Variants in SULT4A1 observed in about 807,000 individuals in gnomAD.
The protein encoded by SULT4A1 is sulfotransferase 4A1.
In SULT4A1, 11 loss-of-function variants were observed where a neutral mutation model predicts 35.2. The ratio of observed to expected loss-of-function variants is 0.31; its 90% CI spans 0.20 to 0.52. SULT4A1 has a LOEUF of 0.52. SULT4A1 is among the 20% of genes least tolerant of loss of function. SULT4A1 has a pLI of 0.97. For synonymous variants in SULT4A1, 152 were observed against 151.8 expected (o/e 1.00, Z -0.01); for missense variants, 271 against 383.7 (o/e 0.71, Z 2.45).
intron 1 of SULT4A1, among the ~76,000 whole-genome samples, chr22:43,860,767 T>G (rs2049457533): frequency 6.6e-6 from 1 of 152,122 alleles, no homozygotes; most frequent in Non-Finnish European, 1.5e-5. Context: ...TGGCTGAGAC[T>G]TCCAGCATTT....
chr22:43,840,088 G>T, intron 2 of SULT4A1, 63 bp from the exon 3 acceptor site: 2 of 1,338,648 alleles, frequency 1.5e-6, no homozygotes, highest in Non-Finnish European at 2.1e-6. Flanking sequence ...GAGGAGTGGG[G>T]CCAAGGGGAA....
intron 5 of SULT4A1, among the ~76,000 whole-genome samples, chr22:43,832,304 C>T (rs1285030316): frequency 6.6e-6 from 1 of 152,130 alleles, no homozygotes; most frequent in Non-Finnish European, 1.5e-5. Flanking sequence ...GGCTCCATGG[C>T]GCGTGTGACC....
intron 1 of SULT4A1, among the ~76,000 whole-genome samples, chr22:43,847,528 T>C (rs1454174058): frequency 6.6e-6 from 1 of 152,042 alleles, no homozygotes; most frequent in South Asian, 2.1e-4. Flanking sequence ...GCTGTGGCCA[T>C]CTGCACCCAG....
At chr22:43,841,734 A>G (rs894533911) in intron 2 of SULT4A1, 68 bp downstream of exon 2, 4 of 1,564,316 alleles carry the variant, frequency 2.6e-6, no homozygotes, top group Non-Finnish European at 3.5e-6. Flanking sequence ...GCAACTGTCA[A>G]TCATCAGGGT....
At chr22:43,853,896 G>A (rs1170499539) in intron 1 of SULT4A1, among the ~76,000 whole-genome samples, 2 of 152,264 alleles carry the variant, frequency 1.3e-5, no homozygotes, top group African/African-American at 2.4e-5. Context: ...TCAAGGGGAA[G>A]AGGCTCCGCC....
At chr22:43,857,370 C>CAAAAAAAAAAAAA (rs60746917) in intron 1 of SULT4A1, among the ~76,000 whole-genome samples, 1 of 93,794 alleles carries the variant, frequency 1.1e-5, no homozygotes, top group Non-Finnish European at 2.1e-5. Context: ...GATCCTGTCT[C>CAAAAAAAAAAAAA]AAAAAAAAAA....
chr22:43,847,413 G>A (rs556876920), intron 1 of SULT4A1, among the ~76,000 whole-genome samples: 5 of 152,204 alleles, frequency 3.3e-5, no homozygotes, highest in Non-Finnish European at 7.3e-5. Flanking sequence ...TCTGCCAGAC[G>A]CCAAGCTGTG....
At chr22:43,828,976 C>A in intron 6 of SULT4A1, 84 bp downstream of exon 6, 1 of 1,405,590 alleles carries the variant, frequency 7.1e-7, no homozygotes, top group South Asian at 1.5e-5. Context: ...CAACAGGGAC[C>A]GGACTCGGCT....
At chr22:43,858,279 C>T (rs2049426326) in intron 1 of SULT4A1, among the ~76,000 whole-genome samples, 1 of 152,116 alleles carries the variant, frequency 6.6e-6, no homozygotes. Flanking sequence ...CAACCAGGGC[C>T]AACTACTCAG....
At chr22:43,831,226 A>G (rs1421493452) in intron 5 of SULT4A1, among the ~76,000 whole-genome samples, 1 of 150,966 alleles carries the variant, frequency 6.6e-6, no homozygotes, top group African/African-American at 2.4e-5. Context: ...GTGTGTTTGG[A>G]CCTTAAAACT....
intron 1 of SULT4A1, among the ~76,000 whole-genome samples, chr22:43,851,302 T>TA (rs2049339549): frequency 6.6e-6 from 1 of 152,164 alleles, no homozygotes; most frequent in Admixed American, 6.5e-5. Context: ...TGCAAAGACT[T>TA]ATGAGTGGAG....
At chr22:43,844,347 G>A (rs912864920) in intron 1 of SULT4A1, among the ~76,000 whole-genome samples, 8 of 152,268 alleles carry the variant, frequency 5.3e-5, no homozygotes, top group South Asian at 2.1e-4. Flanking sequence ...AGAGGCCTGC[G>A]GGGGAGCTCG....
intron 5 of SULT4A1, among the ~76,000 whole-genome samples, chr22:43,830,385 A>C (rs1359527758): frequency 6.6e-6 from 1 of 152,238 alleles, no homozygotes; most frequent in African/African-American, 2.4e-5. Context: ...CTGCGGCGTG[A>C]CGTCCATCTC....
intron 6 of SULT4A1, chr22:43,827,186 T>C (rs4149444): frequency 0.27 from 263,713 of 985,234 alleles, 36,655 homozygotes; most frequent in East Asian, 0.43. Flanking sequence ...TTCTTTCCAT[T>C]GTCAGCTCTC....
At chr22:43,833,607 C>T in intron 5 of SULT4A1, 33 bp downstream of exon 5, 1 of 1,558,332 alleles carries the variant, frequency 6.4e-7, no homozygotes, top group Non-Finnish European at 8.7e-7. Context: ...AGGGCCAGGG[C>T]ACCCGGAGGA....
At chr22:43,827,448 A>C in intron 6 of SULT4A1, 1 of 1,225,944 alleles carries the variant, frequency 8.2e-7, no homozygotes, top group South Asian at 1.5e-5. Flanking sequence ...AGAGCAACCA[A>C]ACTATTTTTC....
chr22:43,843,509 CG>C (rs1280054065), intron 1 of SULT4A1, among the ~76,000 whole-genome samples: 1 of 152,256 alleles, frequency 6.6e-6, no homozygotes, highest in Non-Finnish European at 1.5e-5. Context: ...GAAGGAATGT[CG>C]CACAGGCAGG....
intron 4 of SULT4A1, among the ~76,000 whole-genome samples, chr22:43,835,891 C>G (rs967423521): frequency 2.6e-5 from 4 of 152,198 alleles, no homozygotes; most frequent in Non-Finnish European, 4.4e-5. Flanking sequence ...GTCCCCACAG[C>G]AGGAGGGGGG....
intron 1 of SULT4A1, among the ~76,000 whole-genome samples, chr22:43,853,345 A>T (rs1334539913): frequency 1.3e-5 from 2 of 152,206 alleles, no homozygotes; most frequent in Non-Finnish European, 1.5e-5. Context: ...AGTTGCTGGG[A>T]CTGACCTCCA....
Sources: gnomAD v4.1 joint callset for allele counts (sites outside exome capture counted in the v4.1 genomes callset) on GRCh38, gnomAD v4.1.1 for gene constraint, MANE v1.5 for transcripts, NCBI Gene and HGNC (gene_info 2026-07-23, HGNC 2026-07-21) for gene names.